Variants in HDAC9 observed in about 807,000 individuals in gnomAD.
HDAC9 encodes MEF-2 interacting transcription repressor (MITR) protein.
HDAC9 carries 41 observed loss-of-function variants against 139.4 expected under a neutral mutation model. That is an observed-to-expected ratio of 0.29 (90% CI 0.23 to 0.38). The LOEUF (loss-of-function observed/expected upper bound fraction) is 0.38, where lower values mean the gene tolerates loss of function less well. HDAC9 is among the 10% of genes least tolerant of loss of function. The pLI is 1.00. For synonymous variants in HDAC9, 517 were observed against 476.2 expected, an observed-to-expected ratio of 1.09 and a Z score of -1.12; for missense variants, 1,147 against 1,297.0, an observed-to-expected ratio of 0.88 and a Z score of 1.78.
At chr7:18,264,856 A>G (rs1181378207) in intron 2 of HDAC9, among the ~76,000 whole-genome samples, 1 of 152,244 alleles carries the variant, frequency 6.6e-6, no homozygotes, top group African/African-American at 2.4e-5. Context: ...AAGTGAATTT[A>G]GAAATTTAGC....
chr7:18,891,591 G>A (rs1800685182), intron 22 of HDAC9, among the ~76,000 whole-genome samples: 1 of 152,148 alleles, frequency 6.6e-6, no homozygotes, highest in South Asian at 2.1e-4. Context: ...GCCTAAGGAT[G>A]GTGGCAAGTC....
chr7:18,130,426 A>G lies in HDAC9; in HGVS notation c.-96-31803A>G, dbSNP rs997266895. Among the ~76,000 whole-genome samples, 7 of 152,272 alleles carry G rather than the reference A, an allele frequency of 4.6e-5. No homozygotes were observed. In the South Asian group the frequency reaches 1.4e-3, roughly 32 times the overall value. On this transcript the variant is annotated intron_variant, in intron 1 of 12. Coordinates refer to the HDAC9 transcript ENST00000417496. Reference sequence around the variant, plus strand: ...AATTCCCCAAATGTTTTATTCCCTTACTAAATTACTCCGTTGTAGTTGCTT... The same window carrying G: ...AATTCCCCAAATGTTTTATTCCCTTGCTAAATTACTCCGTTGTAGTTGCTT...
intron 1 of HDAC9, among the ~76,000 whole-genome samples, chr7:18,325,854 C>A (rs947908186): frequency 6.6e-6 from 1 of 152,044 alleles, no homozygotes; most frequent in Admixed American, 6.6e-5. Flanking sequence ...AGAACAGTAA[C>A]ATGCTCTACA....
intron 11 of HDAC9, among the ~76,000 whole-genome samples, chr7:18,650,472 T>C (rs954231771): frequency 6.6e-6 from 1 of 152,196 alleles, no homozygotes; most frequent in South Asian, 2.1e-4. Context: ...TATTTTGGAA[T>C]ACAGTTTTTT....
intron 12 of HDAC9, among the ~76,000 whole-genome samples, chr7:18,693,781 A>C (rs1030592932): frequency 2.6e-5 from 4 of 152,208 alleles, no homozygotes; most frequent in Admixed American, 2.6e-4. Flanking sequence ...ATTGCTAAAT[A>C]AATCATTTGA....
intron 24 of HDAC9, among the ~76,000 whole-genome samples, chr7:18,958,802 A>C (rs769204207): frequency 3.9e-4 from 60 of 152,302 alleles, no homozygotes; most frequent in Non-Finnish European, 8.7e-4. Context: ...TGAGGGATTA[A>C]GAAGACCAAG....
chr7:18,555,277 G>A (rs1818447581), intron 2 of HDAC9, among the ~76,000 whole-genome samples: 1 of 152,112 alleles, frequency 6.6e-6, no homozygotes, highest in African/African-American at 2.4e-5. Context: ...CCTCTCCTAA[G>A]GAAACAATTC....
chr7:18,934,180 T>C (rs1416442438), intron 22 of HDAC9, among the ~76,000 whole-genome samples: 1 of 152,058 alleles, frequency 6.6e-6, no homozygotes, highest in African/African-American at 2.4e-5. Context: ...TGTAGTGATA[T>C]AATCCCTTTA....
chr7:18,154,934 G>T (rs778303120), intron 1 of HDAC9, among the ~76,000 whole-genome samples: 1 of 152,162 alleles, frequency 6.6e-6, no homozygotes, highest in Non-Finnish European at 1.5e-5. Flanking sequence ...AGGTTATAGC[G>T]TGTGAGTTAC....
intron 1 of HDAC9, among the ~76,000 whole-genome samples, chr7:18,465,284 A>T (rs536881398): frequency 6.6e-6 from 1 of 152,090 alleles, no homozygotes; most frequent in African/African-American, 2.4e-5. Flanking sequence ...TTATTTTTAA[A>T]TTGCTTATAG....
intron 23 of HDAC9, chr7:18,948,943 G>A: frequency 2.8e-6 from 1 of 357,830 alleles, no homozygotes; most frequent in South Asian, 2.6e-5. Flanking sequence ...TAGCCTCTTG[G>A]TCAGTCATTA....
Position 18,200,554 on chromosome 7 carries a change from A to G in HDAC9, c.25+38205A>G, listed in dbSNP as rs193243705. On this transcript the variant is annotated intron_variant, in intron 2 of 12. Coordinates refer to the HDAC9 transcript ENST00000417496. The stretch of plus-strand genomic sequence containing the variant: ...TGGCCCAACCAATCTATAGTATCAC[A>G]TTGGACTCCAGATAAACCCTAAAAG... Among the ~76,000 whole-genome samples, 4 of 152,254 alleles carry G rather than the reference A, an allele frequency of 2.6e-5. No individual in the cohort carries two copies. In the East Asian group the frequency reaches 7.7e-4, roughly 29 times the overall value.
At chr7:18,890,590 C>T (rs17350383) in intron 22 of HDAC9, among the ~76,000 whole-genome samples, 21,326 of 152,160 alleles carry the variant, frequency 0.14, 1,830 homozygotes, top group South Asian at 0.25. Context: ...CAAAGATTTT[C>T]ATATGTGGGA....
At chr7:18,208,005 T>G (rs1171789815) in intron 2 of HDAC9, among the ~76,000 whole-genome samples, 3 of 152,132 alleles carry the variant, frequency 2.0e-5, no homozygotes, top group Non-Finnish European at 2.9e-5. Flanking sequence ...TGAGCCACTG[T>G]GCTCGGCCTA....
At chr7:18,247,160 C>G (rs1023878257) in intron 2 of HDAC9, among the ~76,000 whole-genome samples, 5 of 151,738 alleles carry the variant, frequency 3.3e-5, no homozygotes, top group African/African-American at 4.8e-5. Context: ...ATATGTCTGT[C>G]TGGAGTTCTA....
chr7:18,588,151 T>C (rs1466150850), intron 3 of HDAC9, among the ~76,000 whole-genome samples: 1 of 152,222 alleles, frequency 6.6e-6, no homozygotes, highest in African/African-American at 2.4e-5. Context: ...ATGGTTGATA[T>C]ACAGAGTTAG....
intron 1 of HDAC9, among the ~76,000 whole-genome samples, chr7:18,121,957 G>A (rs570556515): frequency 3.3e-5 from 5 of 152,204 alleles, no homozygotes; most frequent in Middle Eastern, 3.4e-3. Flanking sequence ...GATTTGAATC[G>A]GAATTATTAT....
intron 25 of HDAC9, among the ~76,000 whole-genome samples, chr7:18,980,159 A>C (rs1342961764): frequency 6.6e-6 from 1 of 152,104 alleles, no homozygotes; most frequent in Non-Finnish European, 1.5e-5. Context: ...CAACGTGTCT[A>C]ACATGTGGTC....
chr7:18,478,121 G>A (rs1425323309), intron 1 of HDAC9, among the ~76,000 whole-genome samples: 1 of 151,960 alleles, frequency 6.6e-6, no homozygotes, highest in Non-Finnish European at 1.5e-5. Flanking sequence ...GCCCAGGCTG[G>A]AGTGCAGTGG....
Sources: gnomAD v4.1 joint callset for allele counts (sites outside exome capture counted in the v4.1 genomes callset) on GRCh38, gnomAD v4.1.1 for gene constraint, MANE v1.5 for transcripts, NCBI Gene and HGNC (gene_info 2026-07-23, HGNC 2026-07-21) for gene names.